Variants in ASTN2 observed in about 807,000 individuals in gnomAD.
ASTN2 encodes the protein astrotactin 2, also known as astrotactin-2.
A neutral mutation model predicts 139.8 loss-of-function variants in ASTN2; 54 were observed. That is an observed-to-expected ratio of 0.39 (90% confidence interval 0.31 to 0.48). The LOEUF (loss-of-function observed/expected upper bound fraction) is 0.48, where lower values mean the gene tolerates loss of function less well. Ranked by LOEUF, ASTN2 falls within the 20% of genes least tolerant of loss-of-function variation. The probability of loss-of-function intolerance (pLI) is 0.95; values close to 1 mark genes in which losing one functional copy is unlikely to be tolerated. For synonymous variants in ASTN2, 756 were observed against 719.5 expected (o/e 1.05, Z -0.81); for missense variants, 1,565 against 1,725.1 (o/e 0.91, Z 1.64).
intron 1 of ASTN2, among the ~76,000 whole-genome samples, chr9:117,330,303 A>G (rs1828661694): frequency 6.6e-6 from 1 of 152,188 alleles, no homozygotes; most frequent in Non-Finnish European, 1.5e-5. Flanking sequence ...CCCAACTGAC[A>G]CAACTAGACA....
At chr9:117,413,498 C>T (rs1479561645) in intron 1 of ASTN2, among the ~76,000 whole-genome samples, 1 of 152,166 alleles carries the variant, frequency 6.6e-6, no homozygotes, top group Non-Finnish European at 1.5e-5. Context: ...AAGCAGCGAG[C>T]GCGGGAGAGC....
At chr9:116,489,031 T>G (rs1177105855) in intron 19 of ASTN2, among the ~76,000 whole-genome samples, 2 of 152,200 alleles carry the variant, frequency 1.3e-5, no homozygotes, top group African/African-American at 4.8e-5. Flanking sequence ...AACTGTTGTT[T>G]TCTTCTTTTC....
intron 16 of ASTN2, chr9:116,700,688 T>C (rs1181621092): frequency 1.2e-5 from 2 of 166,950 alleles, no homozygotes; most frequent in Non-Finnish European, 2.9e-5. Flanking sequence ...TACATACTAT[T>C]TGGTTTCAGG....
chr9:117,386,116 T>G (rs1830392792), intron 1 of ASTN2, among the ~76,000 whole-genome samples: 2 of 151,650 alleles, frequency 1.3e-5, no homozygotes, highest in Non-Finnish European at 2.9e-5. Context: ...AAGCTGTCAC[T>G]CTTTGACAAA....
intron 6 of ASTN2, among the ~76,000 whole-genome samples, chr9:117,019,832 T>C (rs1383290049): frequency 6.6e-6 from 1 of 152,144 alleles, no homozygotes; most frequent in Admixed American, 6.5e-5. Flanking sequence ...TCTGTGAACC[T>C]TGCGGATTCT....
chr9:116,570,580 G>C (rs1026210559), intron 19 of ASTN2, among the ~76,000 whole-genome samples: 1 of 152,126 alleles, frequency 6.6e-6, no homozygotes, highest in Non-Finnish European at 1.5e-5. Context: ...TGTATTTTTA[G>C]TACAGACGGG....
At chr9:116,615,582 G>C (rs544932067) in intron 19 of ASTN2, among the ~76,000 whole-genome samples, 96 of 152,190 alleles carry the variant, frequency 6.3e-4, no homozygotes, top group African/African-American at 2.2e-3. Flanking sequence ...GTAGGGACAT[G>C]GATGAAGCTG....
At position 117,039,965 on chromosome 9, in the gene ASTN2, C is replaced by T. The variant is rs1317045252; in HGVS notation, c.1277G>A (p.Gly426Asp). 4 of 1,608,910 alleles carry T rather than the reference C, an allele frequency of 2.5e-6. No individual in the cohort carries two copies. In the South Asian group the frequency reaches 4.4e-5, roughly 18 times the overall value. Reference sequence around the variant, plus strand: ...CTTGTTCACTGGGCTTTTCAGCAAACCTGGTAACAAGAACATACACAAAGA... The same window carrying T: ...CTTGTTCACTGGGCTTTTCAGCAAATCTGGTAACAAGAACATACACAAAGA... ...EQYRSRRRSK[G>D]LLKSPVNKTA... The change falls in exon 6 of 23, where the codon GGT (glycine) becomes GAT (aspartate). Residue 426 changes from glycine (G) to aspartate (D), a missense_variant and splice_region_variant. Physicochemically the swap from Gly to Asp is moderately conservative, Grantham distance 94. Coordinates refer to ENST00000313400, the MANE Select transcript of ASTN2 (RefSeq NM_001365068.1).
intron 11 of ASTN2, among the ~76,000 whole-genome samples, chr9:116,835,951 T>C (rs1232533079): frequency 1.3e-5 from 2 of 152,130 alleles, no homozygotes; most frequent in Admixed American, 6.5e-5. Flanking sequence ...TGCACCCAGA[T>C]AGACCTTCAA....
intron 11 of ASTN2, among the ~76,000 whole-genome samples, chr9:116,839,878 A>ATTTTTT (rs1297483642): frequency 1.4e-4 from 15 of 104,774 alleles, no homozygotes; most frequent in South Asian, 2.8e-4. Context: ...TATTATTATT[A>ATTTTTT]TTATTTTTTT....
chr9:116,566,106 T>G (rs141172617), intron 19 of ASTN2, among the ~76,000 whole-genome samples: 2,397 of 152,302 alleles, frequency 0.016, 40 homozygotes, highest in Non-Finnish European at 0.02. Context: ...TTGTCTACAC[T>G]ATAAAAGAAA....
At chr9:117,340,433 G>A (rs1250272601) in intron 1 of ASTN2, among the ~76,000 whole-genome samples, 1 of 146,928 alleles carries the variant, frequency 6.8e-6, no homozygotes, top group African/African-American at 2.5e-5. Flanking sequence ...ACCGGTTATA[G>A]AAGAAAAATG....
intron 20 of ASTN2, among the ~76,000 whole-genome samples, chr9:116,457,396 A>G (rs950183788): frequency 5.3e-5 from 8 of 152,148 alleles, no homozygotes; most frequent in Non-Finnish European, 1.2e-4. Flanking sequence ...GAAACAATCA[A>G]TAAGGTGAAA....
intron 2 of ASTN2, among the ~76,000 whole-genome samples, chr9:117,253,804 T>C (rs1054792323): frequency 2.6e-5 from 4 of 152,176 alleles, no homozygotes; most frequent in African/African-American, 9.7e-5. Flanking sequence ...CCTCTTGTCC[T>C]AGAATGAAGC....
chr9:116,439,487 ACCGCGCCCGGC>A (rs1847777095), intron 22 of ASTN2, among the ~76,000 whole-genome samples: 3 of 139,998 alleles, frequency 2.1e-5, no homozygotes, highest in South Asian at 6.6e-4. Context: ...GGCGTGAGCC[ACCGCGCCCGGC>A]CTCAAATACA....
intron 2 of ASTN2, among the ~76,000 whole-genome samples, chr9:117,220,887 A>G (rs1832492737): frequency 6.6e-6 from 1 of 152,184 alleles, no homozygotes; most frequent in Admixed American, 6.5e-5. Context: ...TTCCCCAGGG[A>G]ACATCTCTGC....
At chr9:117,403,297 TGAAAA>T (rs1830890201) in intron 1 of ASTN2, among the ~76,000 whole-genome samples, 1 of 152,072 alleles carries the variant, frequency 6.6e-6, no homozygotes, top group African/African-American at 2.4e-5. Context: ...GTAAAAGTCT[TGAAAA>T]GAGTAATTCA....
At chr9:116,867,835 G>A (rs1833057202) in intron 10 of ASTN2, among the ~76,000 whole-genome samples, 3 of 152,148 alleles carry the variant, frequency 2.0e-5, no homozygotes, top group South Asian at 4.1e-4. Context: ...TCAGGCTAGG[G>A]AATGAAGAAT....
chr9:117,104,604 C>T (rs1829058795), intron 4 of ASTN2, among the ~76,000 whole-genome samples: 1 of 152,078 alleles, frequency 6.6e-6, no homozygotes, highest in African/African-American at 2.4e-5. Flanking sequence ...TTAAAGTGCA[C>T]ACATAAAATA....
Sources: allele counts gnomAD v4.1 joint callset (sites outside exome capture counted in the v4.1 genomes callset), GRCh38; gene constraint gnomAD v4.1.1; transcripts MANE v1.5; gene names NCBI Gene and HGNC (gene_info 2026-07-23, HGNC 2026-07-21).